The following CDKAL1 variants were observed in gnomAD, a reference collection of about 807,000 sequenced individuals.
The protein encoded by CDKAL1 is CDKAL1 threonylcarbamoyladenosine tRNA methylthiotransferase.
A neutral mutation model predicts 68.2 loss-of-function variants in CDKAL1; 32 were observed. The observed-to-expected ratio is 0.47, with a 90% CI of 0.35 to 0.63. The LOEUF is 0.63. Among genes scored for constraint, CDKAL1 ranks in the 30% least tolerant of loss-of-function variants. CDKAL1 has a pLI of 0.00. For synonymous variants in CDKAL1, 234 were observed against 244.3 expected (o/e 0.96, Z 0.39); for missense variants, 606 against 696.7 (o/e 0.87, Z 1.47).
At chr6:20,696,021 C>T (rs1028990017) in intron 5 of CDKAL1, among the ~76,000 whole-genome samples, 7 of 152,132 alleles carry the variant, frequency 4.6e-5, no homozygotes, top group African/African-American at 1.4e-4. Flanking sequence ...TTATATCAGT[C>T]GCCTTTCTAT....
At position 21,046,584 on chromosome 6, in the gene CDKAL1, C is replaced by T. The variant is rs144868341; in HGVS notation, c.1056-18464C>T. 4.5e-3 allele frequency among the ~76,000 whole-genome samples: 683 copies of T among 152,306 alleles called. 2 individuals carry two copies. Among genetic ancestry groups the T allele is most frequent in the Non-Finnish European group, 7.2e-3 (489 of 68,022 alleles). ...CAGCTGACAGGCCAGCCAGGCGTGG[C>T]GTGAGACACAACGGAGCTGCTCCTT... On this transcript the variant is annotated intron_variant, in intron 11 of 15. Coordinates refer to ENST00000274695, the MANE Select transcript of CDKAL1 (RefSeq NM_017774.3).
intron 11 of CDKAL1, among the ~76,000 whole-genome samples, chr6:21,027,769 C>G (rs747872095): frequency 8.5e-5 from 13 of 152,272 alleles, no homozygotes; most frequent in Middle Eastern, 3.4e-3. Flanking sequence ...TATAAATTCC[C>G]CAGTCTATGG....
chr6:20,822,591 A>T (rs1777332327), intron 8 of CDKAL1, among the ~76,000 whole-genome samples: 1 of 152,156 alleles, frequency 6.6e-6, no homozygotes, highest in Non-Finnish European at 1.5e-5. Context: ...TTGAATTGTA[A>T]TTCCTGTAAT....
intron 9 of CDKAL1, among the ~76,000 whole-genome samples, chr6:20,915,141 T>A (rs990522032): frequency 6.6e-6 from 1 of 151,410 alleles, no homozygotes; most frequent in African/African-American, 2.4e-5. Context: ...GTTTATATGT[T>A]AAAATCACAG....
At chr6:21,227,804 G>A (rs144540313) in intron 15 of CDKAL1, among the ~76,000 whole-genome samples, 143 of 152,302 alleles carry the variant, frequency 9.4e-4, no homozygotes, top group African/African-American at 3.2e-3. Flanking sequence ...AATCCTCTCC[G>A]GTAGTTCAGT....
At chr6:20,631,666 A>C (rs916148187) in intron 4 of CDKAL1, among the ~76,000 whole-genome samples, 1 of 152,208 alleles carries the variant, frequency 6.6e-6, no homozygotes, top group African/African-American at 2.4e-5. Context: ...GCCAGGTCCC[A>C]GACTGGTCCT....
At chr6:20,758,039 T>A (rs1472200474) in intron 6 of CDKAL1, among the ~76,000 whole-genome samples, 2 of 152,192 alleles carry the variant, frequency 1.3e-5, no homozygotes, top group African/African-American at 4.8e-5. Flanking sequence ...TGTGTTCCCA[T>A]GGCAAAGCTT....
chr6:20,963,309 TAA>T (rs56292622), intron 10 of CDKAL1, among the ~76,000 whole-genome samples: 6 of 142,950 alleles, frequency 4.2e-5, no homozygotes, highest in Non-Finnish European at 4.6e-5. Flanking sequence ...GCCCTTCCAC[TAA>T]AAAAAAAAAA....
chr6:21,205,761 G>T (rs1778894991), intron 15 of CDKAL1, among the ~76,000 whole-genome samples: 1 of 149,036 alleles, frequency 6.7e-6, no homozygotes, highest in Non-Finnish European at 1.5e-5. Context: ...TCGATCTCCT[G>T]ACCTCGTGAT....
At chr6:21,125,569 G>A (rs1774962929) in intron 13 of CDKAL1, among the ~76,000 whole-genome samples, 1 of 152,202 alleles carries the variant, frequency 6.6e-6, no homozygotes, top group African/African-American at 2.4e-5. Flanking sequence ...CTACTCGGGA[G>A]GCTGAGGCAG....
chr6:20,780,614 C>T (rs1342314822), intron 7 of CDKAL1, among the ~76,000 whole-genome samples: 1 of 151,030 alleles, frequency 6.6e-6, no homozygotes, highest in Non-Finnish European at 1.5e-5. Context: ...CAAATATAAG[C>T]AAAGCAAGTA....
At chr6:20,813,815 A>G (rs1776923659) in intron 8 of CDKAL1, among the ~76,000 whole-genome samples, 1 of 152,148 alleles carries the variant, frequency 6.6e-6, no homozygotes, top group African/African-American at 2.4e-5. Flanking sequence ...CCTTTACACT[A>G]GTTTCACACG....
chr6:20,824,509 A>G (rs1026929078), intron 8 of CDKAL1, among the ~76,000 whole-genome samples: 17 of 152,114 alleles, frequency 1.1e-4, no homozygotes, highest in Non-Finnish European at 2.5e-4. Flanking sequence ...TTTACAGGCT[A>G]TTGGATTATG....
chr6:20,689,961 T>C (rs1261404378), intron 5 of CDKAL1, among the ~76,000 whole-genome samples: 1 of 152,204 alleles, frequency 6.6e-6, no homozygotes, highest in Non-Finnish European at 1.5e-5. Context: ...CCATGGATTT[T>C]TAAAATCATT....
At chr6:20,814,301 G>A (rs1487157642) in intron 8 of CDKAL1, among the ~76,000 whole-genome samples, 5 of 151,966 alleles carry the variant, frequency 3.3e-5, no homozygotes, top group East Asian at 3.9e-4. Flanking sequence ...TACTCATTAT[G>A]TGCAGTTGTT....
intron 8 of CDKAL1, among the ~76,000 whole-genome samples, chr6:20,784,555 G>T (rs1474507593): frequency 1.3e-5 from 2 of 150,016 alleles, no homozygotes; most frequent in Non-Finnish European, 1.5e-5. Context: ...CTCCCGAGTA[G>T]CTGGGACTAT....
chr6:20,591,390 G>A (rs957826862), intron 4 of CDKAL1, among the ~76,000 whole-genome samples: 2 of 152,114 alleles, frequency 1.3e-5, no homozygotes, highest in African/African-American at 4.8e-5. Flanking sequence ...GGCTTTTGTT[G>A]TCATTGCTTT....
chr6:20,539,852 T>A lies in CDKAL1; in HGVS notation c.-6+4458T>A, dbSNP rs1763319205. Among the ~76,000 whole-genome samples the A allele has an allele frequency of 6.6e-6, 1 of 152,196 alleles. No homozygotes were observed. The highest frequency in any genetic ancestry group is 2.4e-5 in the African/African-American group (1 of 41,436). ...CCTGACTTCTGTGCTGAAAATGTTC[T>A]TGTAGAGTTTAAGGATAGAAGCAAG... On this transcript the variant is annotated intron_variant, in intron 2 of 15. Coordinates refer to ENST00000274695, the MANE Select transcript of CDKAL1 (RefSeq NM_017774.3). This position sits in a 1 kb window ranked among gnomAD's most constrained non-coding sequence, Gnocchi z 4.3.
At chr6:20,997,787 T>C (rs1581993680) in intron 10 of CDKAL1, among the ~76,000 whole-genome samples, 2 of 152,318 alleles carry the variant, frequency 1.3e-5, no homozygotes, top group East Asian at 3.9e-4. Flanking sequence ...CTTCACTTGC[T>C]AGTTCGGGAA....
Sources: gnomAD v4.1 joint callset for allele counts (sites outside exome capture counted in the v4.1 genomes callset) on GRCh38, gnomAD v4.1.1 for gene constraint, Gnocchi (gnomAD v3.1) non-coding constraint, MANE v1.5 for transcripts, NCBI Gene and HGNC (gene_info 2026-07-23, HGNC 2026-07-21) for gene names.